The following DNMT1 variants were observed in gnomAD, a reference collection of about 807,000 sequenced individuals.
DNMT1 encodes the protein DNA (cytosine-5)-methyltransferase 1.
A neutral mutation model predicts 205.3 loss-of-function variants in DNMT1; 24 were observed. The observed-to-expected ratio is 0.12, with a 90% CI of 0.08 to 0.16. DNMT1 has a LOEUF of 0.16. Among genes scored for constraint, DNMT1 ranks in the 10% least tolerant of loss-of-function variants. DNMT1 has a pLI of 1.00. For synonymous variants in DNMT1, 817 were observed against 839.8 expected (o/e 0.97, Z 0.47); for missense variants, 1,293 against 2,177.7 (o/e 0.59, Z 8.09).
chr19:10,186,854 A>G (rs898270250), intron 1 of DNMT1, among the ~76,000 whole-genome samples: 1 of 151,278 alleles, frequency 6.6e-6, no homozygotes, highest in Admixed American at 6.6e-5. Flanking sequence ...AAAAAAAAAA[A>G]AAAAAGATAT....
At chr19:10,163,526 C>T (rs966671269) in intron 11 of DNMT1, among the ~76,000 whole-genome samples, 166 bp from the exon 12 acceptor site, 1 of 152,188 alleles carries the variant, frequency 6.6e-6, no homozygotes, top group African/African-American at 2.4e-5. Context: ...AGACACGAGG[C>T]TTCACTTTCC....
chr19:10,166,484 G>T, intron 11 of DNMT1, 114 bp downstream of exon 11: 1 of 1,295,492 alleles, frequency 7.7e-7, no homozygotes, highest in Non-Finnish European at 1.1e-6. Context: ...GCCCCATGGA[G>T]CCTGGGTGGA....
intron 13 of DNMT1, 22 bp from the exon 14 acceptor site, chr19:10,160,440 G>A (rs375464815): frequency 2.1e-4 from 333 of 1,613,662 alleles, no homozygotes; most frequent in Non-Finnish European, 2.7e-4. Flanking sequence ...AAACAAAAGA[G>A]GATTAAAGGC....
rs367717230 is a variant in DNMT1 at position 10,142,259 on chromosome 19, T to C, written c.3117-39A>G. ...AGGCCTCGTTAGGAGCTCTCCTTTGTGGTGAGCTTATGCTGAATTAAACAG... is the reference window on the plus strand; with the variant it reads ...AGGCCTCGTTAGGAGCTCTCCTTTGCGGTGAGCTTATGCTGAATTAAACAG... On this transcript the variant is annotated intron_variant, in intron 29 of 40. Transcript: ENST00000359526. The C allele has an allele frequency of 1.9e-5, 30 of 1,612,716 alleles. No individual in the cohort carries two copies. The African/African-American group carries it at 4.0e-4, about 22-fold the overall frequency.
intron 25 of DNMT1, 79 bp from the exon 26 acceptor site, chr19:10,149,736 C>T (rs766127453): frequency 5.1e-5 from 82 of 1,609,128 alleles, no homozygotes; most frequent in Non-Finnish European, 6.6e-5. Flanking sequence ...CAGGAGCACT[C>T]GTCCTTTTCA....
chr19:10,152,286 AAGTG>A (rs968403275), intron 22 of DNMT1, among the ~76,000 whole-genome samples: 1 of 151,332 alleles, frequency 6.6e-6, no homozygotes, highest in African/African-American at 2.4e-5. Context: ...AAAAAAAAAA[AAGTG>A]AGTCACACAG....
chr19:10,156,093 C>T lies in DNMT1; in HGVS notation c.1400-148G>A, dbSNP rs1348284261. On this transcript the variant is annotated intron_variant, in intron 18 of 40. Coordinates refer to ENST00000359526, the MANE Select transcript of DNMT1 (RefSeq NM_001130823.3). The surrounding 1 kb of genome is among the most constrained non-coding windows in gnomAD (Gnocchi z 4.2). Reference sequence around the variant, plus strand: ...TGACTTGGCCTACAGCTGCTCCTGGCACAAAGTCTCACACCCTAACTTTAA... The same window carrying T: ...TGACTTGGCCTACAGCTGCTCCTGGTACAAAGTCTCACACCCTAACTTTAA... 2 of 760,858 alleles carry T rather than the reference C, an allele frequency of 2.6e-6. No individual in the cohort carries two copies. The highest frequency in any genetic ancestry group is 4.4e-6 in the Non-Finnish European group (2 of 449,990). 47.1% of individuals were successfully genotyped at this position (760,858 alleles called of 1,614,324 possible). A position where few individuals can be genotyped will look rare whatever the true frequency, so the allele number is the denominator to read the frequency against.
At chr19:10,144,951 T>A (rs2038166737) in intron 28 of DNMT1, among the ~76,000 whole-genome samples, 1 of 152,198 alleles carries the variant, frequency 6.6e-6, no homozygotes, top group Non-Finnish European at 1.5e-5. Flanking sequence ...TCGGCCAGGC[T>A]GGTCTTGGTC....
At position 10,193,772 on chromosome 19, in the gene DNMT1, C is replaced by T. The variant is rs77622758; in HGVS notation, c.80+1048G>A. Among the ~76,000 whole-genome samples, 171 of 151,886 alleles carry T rather than the reference C, an allele frequency of 1.1e-3. 1 individual carries two copies. Among genetic ancestry groups the T allele is most frequent in the African/African-American group, 3.9e-3 (163 of 41,424 alleles). On this transcript the variant is annotated intron_variant, in intron 1 of 40. Coordinates refer to ENST00000359526, the MANE Select transcript of DNMT1 (RefSeq NM_001130823.3). ...GGACTGGCCCAACCAGGTCAGTTAA[C>T]AAGCCTAAGGAAATAGAAAAATGGC...
rs182565541 is a variant in DNMT1 at position 10,145,055 on chromosome 19, C to T, written c.2895-1068G>A. 8.9e-4 allele frequency among the ~76,000 whole-genome samples: 135 copies of T among 152,318 alleles called. 1 individual carries two copies. The highest frequency in any genetic ancestry group is 3.0e-3 in the African/African-American group (123 of 41,584). On this transcript the variant is annotated intron_variant, in intron 28 of 40. Coordinates refer to ENST00000359526, the MANE Select transcript of DNMT1 (RefSeq NM_001130823.3). ...GGGGTTGTTGCTATGATACAACCTA[C>T]GCTACCCTGACTAAGGCTCTGATCT...
In DNMT1 at chr19:10,142,161, T is replaced by C. The variant is rs1160158444; in HGVS notation, c.3176A>G (p.Tyr1059Cys). Residue 1059 changes from tyrosine (Y) to cysteine (C), a missense_variant, in exon 30 of 41, where the codon TAC becomes TGC. By Grantham distance (194) the Tyr-to-Cys change is radical. Coordinates refer to ENST00000359526, the MANE Select transcript of DNMT1 (RefSeq NM_001130823.3). Reference sequence around the variant, plus strand: ...CACCACGGCCTCCTCGTCGCTCCAGTAGAGCAGGTTGATGTCTGCGTGGTA... The same window carrying C: ...CACCACGGCCTCCTCGTCGCTCCAGCAGAGCAGGTTGATGTCTGCGTGGTA... ...ASYHADINLLYWSDEEAVVDF... is the reference protein window; with the variant it reads ...ASYHADINLLCWSDEEAVVDF... 7 of 1,613,906 alleles carry C rather than the reference T, an allele frequency of 4.3e-6. No homozygotes were observed. In the East Asian group the frequency reaches 6.7e-5, roughly 15 times the overall value.
intron 9 of DNMT1, among the ~76,000 whole-genome samples, chr19:10,169,341 G>A (rs1365892012): frequency 1.5e-5 from 2 of 137,322 alleles, no homozygotes; most frequent in Non-Finnish European, 3.0e-5. Flanking sequence ...AGGAGATCGA[G>A]ACCATCCTGG....
chr19:10,150,805 A>G (rs1009787861), intron 24 of DNMT1, among the ~76,000 whole-genome samples: 1 of 152,122 alleles, frequency 6.6e-6, no homozygotes, highest in African/African-American at 2.4e-5. Flanking sequence ...GAAACAAGCT[A>G]TGAGGGGCCA....
chr19:10,149,262 T>C (rs1249275145), intron 26 of DNMT1, among the ~76,000 whole-genome samples, 191 bp downstream of exon 26: 3 of 138,402 alleles, frequency 2.2e-5, no homozygotes, highest in African/African-American at 8.1e-5. Context: ...GAGGTGGAGG[T>C]TGCAGTGAGC....
At chr19:10,193,565 T>A (rs903840833) in intron 1 of DNMT1, among the ~76,000 whole-genome samples, 2 of 151,354 alleles carry the variant, frequency 1.3e-5, no homozygotes, top group Non-Finnish European at 1.5e-5. Context: ...GGTTTTGCCT[T>A]GTTGCCCAGG....
chr19:10,168,869 A>C (rs1362601024), intron 9 of DNMT1, among the ~76,000 whole-genome samples: 1 of 152,098 alleles, frequency 6.6e-6, no homozygotes, highest in Non-Finnish European at 1.5e-5. Flanking sequence ...ACGGAGTCTC[A>C]CTCTGTTACC....
chr19:10,179,561 T>C lies in DNMT1; in HGVS notation c.493+626A>G, dbSNP rs368939866. Among the ~76,000 whole-genome samples the C allele has an allele frequency of 2.0e-5, 3 of 151,824 alleles. No individual in the cohort carries two copies. In the South Asian group the frequency reaches 6.3e-4, roughly 32 times the overall value. On this transcript the variant is annotated intron_variant, in intron 5 of 40. Transcript: ENST00000359526. ...AAGACAAAATTTAAAGACGTACACA[T>C]CTAAGCTAGTTAGGAAGTGTCCAGT...
intron 1 of DNMT1, among the ~76,000 whole-genome samples, chr19:10,193,122 G>C (rs1293731800): frequency 6.6e-6 from 1 of 152,136 alleles, no homozygotes; most frequent in African/African-American, 2.4e-5. Flanking sequence ...GGGACACAAA[G>C]GCAGGAGGAC....
rs760288360 is a variant in DNMT1, at chr19:10,194,892, G to A, written c.8C>T (p.Ala3Val). 7.5e-6 allele frequency: 12 copies of A among 1,608,792 alleles called. No individual in the cohort carries two copies. The highest frequency in any genetic ancestry group is 1.3e-5 in the African/African-American group (1 of 74,620). The part of the protein sequence containing the change: MP[A>V]RTAPARVPTL... Reference sequence around the variant, plus strand: ...GGGCACCCGGGCTGGGGCGGTACGCGCCGGCATCTCGGAGGCTTCAGCAGA... The same window carrying A: ...GGGCACCCGGGCTGGGGCGGTACGCACCGGCATCTCGGAGGCTTCAGCAGA... Residue 3 changes from alanine (A) to valine (V), a missense_variant, in exon 1 of 41, where the codon GCG (alanine) becomes GTG (valine). Ala to Val is a moderately conservative substitution (Grantham distance 64). This residue lies in a region of DNMT1 where 394 missense variants were observed against 451.6 expected (regional missense o/e 0.87). Coordinates refer to ENST00000359526, the MANE Select transcript of DNMT1 (RefSeq NM_001130823.3).
Sources: gnomAD v4.1 joint callset for allele counts (sites outside exome capture counted in the v4.1 genomes callset) on GRCh38, gnomAD v4.1.1 for gene constraint, gnomAD v4.1.1 regional missense constraint, Gnocchi (gnomAD v3.1) non-coding constraint, MANE v1.5 for transcripts, NCBI Gene and HGNC (gene_info 2026-07-23, HGNC 2026-07-21) for gene names.